Variants in ADAMTS2 observed in about 807,000 individuals in gnomAD.
ADAMTS2 encodes ADAM metallopeptidase with thrombospondin type 1 motif 2, also known as A disintegrin and metalloproteinase with thrombospondin motifs 2.
ADAMTS2 carries 50 observed loss-of-function variants against 123.0 expected under a neutral mutation model. That is an observed-to-expected ratio of 0.41 (90% CI 0.32 to 0.51). The LOEUF is 0.51. Among genes scored for constraint, ADAMTS2 ranks in the 20% least tolerant of loss-of-function variants. ADAMTS2 has a pLI of 0.35. For missense variants in ADAMTS2, 1,494 were observed against 1,705.2 expected (o/e 0.88, Z 2.18); for synonymous variants, 678 against 695.4 (o/e 0.98, Z 0.39).
intron 2 of ADAMTS2, among the ~76,000 whole-genome samples, chr5:179,281,428 C>A (rs28783755): frequency 1.3e-5 from 2 of 152,326 alleles, no homozygotes; most frequent in South Asian, 2.1e-4. Context: ...ATTTCATATA[C>A]GTGGAATCAC....
At chr5:179,257,246 C>T (rs766132228) in intron 3 of ADAMTS2, among the ~76,000 whole-genome samples, 36 of 152,336 alleles carry the variant, frequency 2.4e-4, no homozygotes, top group Middle Eastern at 3.4e-3. Context: ...GCTGGGAGCT[C>T]CCGGGATATT....
chr5:179,207,471 A>ACCCCGCCCC lies in ADAMTS2; in HGVS notation c.891+41_891+42insGGGGCGGGG. ...CTCTGGCCTGCCCAGCCCCTGGTTG[A>ACCCCGCCCC]CCCTCCCCGCCCCACCCTGCCCCCT... is the stretch of plus-strand genomic sequence containing the variant. On this transcript the variant is annotated intron_variant, in intron 4 of 21. Transcript: ENST00000251582. 2 of 1,026,474 alleles carry ACCCCGCCCC rather than the reference A, an allele frequency of 1.9e-6. 1 individual carries two copies. Among genetic ancestry groups the ACCCCGCCCC allele is most frequent in the Non-Finnish European group, 3.0e-6 (2 of 657,456 alleles). 63.6% of individuals were successfully genotyped at this position (1,026,474 alleles called of 1,614,324 possible). A position where few individuals can be genotyped will look rare whatever the true frequency, so the allele number is the denominator to read the frequency against.
intron 2 of ADAMTS2, among the ~76,000 whole-genome samples, chr5:179,318,345 A>C (rs73808259): frequency 0.016 from 2,504 of 152,316 alleles, 60 homozygotes; most frequent in African/African-American, 0.057. Flanking sequence ...CTCATTAAAA[A>C]GGCATGAGAC....
At chr5:179,230,506 C>T in intron 3 of ADAMTS2, among the ~76,000 whole-genome samples, 1 of 143,818 alleles carries the variant, frequency 7.0e-6, no homozygotes, top group East Asian at 3.0e-4. Context: ...CCCGGGAGGG[C>T]TGTGCACACA....
intron 17 of ADAMTS2, 119 bp downstream of exon 17, chr5:179,127,840 A>C: frequency 1.4e-5 from 19 of 1,339,426 alleles, no homozygotes; most frequent in Middle Eastern, 2.6e-4. Flanking sequence ...CCACCCAGGC[A>C]AAGGTCCCTG....
intron 3 of ADAMTS2, among the ~76,000 whole-genome samples, chr5:179,271,569 A>C (rs1766533668): frequency 1.3e-5 from 2 of 152,126 alleles, no homozygotes; most frequent in African/African-American, 4.8e-5. Flanking sequence ...CCTTCCCTGC[A>C]AAATAGTCCA....
rs1426763561 is a variant in ADAMTS2 at position 179,230,973 on chromosome 5, T to G, written c.689-23258A>C. 2.0e-5 allele frequency among the ~76,000 whole-genome samples: 3 copies of G among 151,276 alleles called. No individual in the cohort carries two copies. The East Asian group carries it at 5.9e-4, about 30-fold the overall frequency. On this transcript the variant is annotated intron_variant, in intron 3 of 21. Coordinates refer to ENST00000251582, the MANE Select transcript of ADAMTS2 (RefSeq NM_014244.5). ...TTGCAGTGAGCCGAGATCGTGCCACTGCACTCCAGCCTGGGCAACAGAGCG... is the reference window on the plus strand; with the variant it reads ...TTGCAGTGAGCCGAGATCGTGCCACGGCACTCCAGCCTGGGCAACAGAGCG...
chr5:179,159,228 G>A (rs561639456), intron 5 of ADAMTS2, among the ~76,000 whole-genome samples: 69 of 152,266 alleles, frequency 4.5e-4, no homozygotes, highest in African/African-American at 1.5e-3. Flanking sequence ...CACCTGTTCC[G>A]TGCAAGGCCT....
intron 20 of ADAMTS2, 25 bp from the exon 21 acceptor site, chr5:179,121,775 G>A (rs554723419): frequency 3.7e-5 from 55 of 1,501,520 alleles, no homozygotes; most frequent in Middle Eastern, 3.5e-4. Flanking sequence ...GAGGGGCTGC[G>A]GCCGCAGGGC....
rs11744531 is a variant in ADAMTS2 at position 179,216,338 on chromosome 5, A to G, written c.689-8623T>C. Among the ~76,000 whole-genome samples, 849 of 152,162 alleles carry G rather than the reference A, an allele frequency of 5.6e-3. 3 individuals are homozygous for G. The highest frequency in any genetic ancestry group is 7.1e-3 in the Non-Finnish European group (486 of 67,980). On this transcript the variant is annotated intron_variant, in intron 3 of 21. Transcript: ENST00000251582. Reference sequence around the variant, plus strand: ...GGAGAGCCTGGCCTAGGTTCTTGGCAGTACTTGGCTTGGCCATGTGCCGAT... The same window carrying G: ...GGAGAGCCTGGCCTAGGTTCTTGGCGGTACTTGGCTTGGCCATGTGCCGAT...
At chr5:179,253,231 CCATTTA>C (rs1411028433) in intron 3 of ADAMTS2, among the ~76,000 whole-genome samples, 1 of 152,198 alleles carries the variant, frequency 6.6e-6, no homozygotes, top group Non-Finnish European at 1.5e-5. Flanking sequence ...TGAGTTTAAT[CCATTTA>C]CATTTACCTG....
chr5:179,160,797 C>T (rs1763578512), intron 5 of ADAMTS2, among the ~76,000 whole-genome samples: 1 of 152,202 alleles, frequency 6.6e-6, no homozygotes, highest in South Asian at 2.1e-4. Context: ...AGGTGCACTT[C>T]CTGTTCCCAT....
At chr5:179,217,866 C>T (rs1252921865) in intron 3 of ADAMTS2, among the ~76,000 whole-genome samples, 38 of 80,830 alleles carry the variant, frequency 4.7e-4, no homozygotes, top group African/African-American at 1.5e-3. Context: ...TAGGGGATGG[C>T]CTGAGGGCAG....
chr5:179,281,005 A>G (rs1165503530), intron 2 of ADAMTS2, among the ~76,000 whole-genome samples: 2 of 152,100 alleles, frequency 1.3e-5, no homozygotes, highest in South Asian at 2.1e-4. Context: ...TTACTGGTAC[A>G]CACCACCACA....
At chr5:179,169,557 G>A (rs536944697) in intron 5 of ADAMTS2, among the ~76,000 whole-genome samples, 2 of 152,256 alleles carry the variant, frequency 1.3e-5, no homozygotes, top group African/African-American at 4.8e-5. Context: ...TTGGGGGTTG[G>A]GACCCAGATG....
intron 11 of ADAMTS2, among the ~76,000 whole-genome samples, chr5:179,138,635 GCTCC>G (rs1763106443): frequency 6.6e-6 from 1 of 152,252 alleles, no homozygotes; most frequent in East Asian, 1.9e-4. Context: ...GGGCCACGGG[GCTCC>G]CTGTCTGCTT....
rs561478307 is a variant in ADAMTS2, at chr5:179,207,394, C to G, written c.891+119G>C. ...TCCCTGAGACTGTGTCACTCACCTC[C>G]GGCTAACAAGGAAATCGGCAGAGCC... On this transcript the variant is annotated intron_variant, in intron 4 of 21. Transcript: ENST00000251582. 5.2e-5 allele frequency: 57 copies of G among 1,092,810 alleles called. No homozygotes were observed. In the African/African-American group the frequency reaches 8.3e-4, roughly 16 times the overall value. The allele number at this position is 1,092,810 out of a possible 1,614,324, so 67.7% of individuals were successfully genotyped here.
intron 4 of ADAMTS2, among the ~76,000 whole-genome samples, chr5:179,184,652 T>C (rs1180806313): frequency 6.6e-6 from 1 of 151,690 alleles, no homozygotes; most frequent in Non-Finnish European, 1.5e-5. Context: ...ATGGGACTTC[T>C]CAAACTAAAC....
At chr5:179,163,982 G>A (rs1482099361) in intron 5 of ADAMTS2, among the ~76,000 whole-genome samples, 1 of 152,140 alleles carries the variant, frequency 6.6e-6, no homozygotes, top group Non-Finnish European at 1.5e-5. Flanking sequence ...GGAGCCCTGG[G>A]AGGCAGGACT....
Sources: allele counts gnomAD v4.1 joint callset (sites outside exome capture counted in the v4.1 genomes callset), GRCh38; gene constraint gnomAD v4.1.1; transcripts MANE v1.5; gene names NCBI Gene and HGNC (gene_info 2026-07-23, HGNC 2026-07-21).